SCARA3: variants seen among roughly 807,000 people sequenced by gnomAD.
The protein encoded by SCARA3 is scavenger receptor class A member 3.
Under a neutral mutation model 47.0 loss-of-function variants are expected in SCARA3, and 39 were observed. The observed-to-expected ratio is 0.83, with a 90% confidence interval of 0.64 to 1.08. The LOEUF (loss-of-function observed/expected upper bound fraction) is 1.08. Ranked by LOEUF, SCARA3 falls within the 50% of genes least tolerant of loss-of-function variation. The pLI, the probability that SCARA3 is intolerant of heterozygous loss-of-function variation, is 0.00. For missense variants in SCARA3, 724 were observed against 792.3 expected (o/e 0.91, Z 1.04); for synonymous variants, 356 against 334.1 (o/e 1.07, Z -0.71).
chr8:27,674,725 C>CTT (rs71553874), downstream of SCARA3, among the ~76,000 whole-genome samples: 1,158 of 106,206 alleles, frequency 0.011, 17 homozygotes, highest in Non-Finnish European at 0.015. Context: ...TTTTCTCTCT[C>CTT]TTTTTTTTTT....
At chr8:27,709,231 G>A in the SCARA3 span, among the ~76,000 whole-genome samples, 1 of 152,220 alleles carries the variant, frequency 6.6e-6, no homozygotes, top group Non-Finnish European at 1.5e-5. Flanking sequence ...CTTGTTGGGT[G>A]CAGGTTTCTA....
At chr8:27,693,124 CAAAAAAA>C in the SCARA3 span, among the ~76,000 whole-genome samples, 1 of 99,096 alleles carries the variant, frequency 1.0e-5, no homozygotes, top group African/African-American at 4.1e-5. Context: ...GACTCTGTCT[CAAAAAAA>C]AAAAAAAAAA....
chr8:27,651,390 C>T (rs1179561773), intron 2 of SCARA3, 118 bp from the exon 3 acceptor site: 8 of 1,257,322 alleles, frequency 6.4e-6, no homozygotes, highest in Non-Finnish European at 8.7e-6. Flanking sequence ...AGAACAGCTC[C>T]CCTTCTGAGC....
chr8:27,692,694 T>C, the SCARA3 span, among the ~76,000 whole-genome samples: 1 of 152,082 alleles, frequency 6.6e-6, no homozygotes, highest in African/African-American at 2.4e-5. Context: ...TACAATCTAT[T>C]CTCTCTGAAG....
At position 27,658,922 on chromosome 8, in the gene SCARA3, T is replaced by C. The variant is rs1801823517; in HGVS notation, c.752T>C (p.Ile251Thr). Residue 251 changes from isoleucine (I) to threonine (T), a missense_variant, in exon 5 of 6, where the codon ATT (isoleucine) becomes ACT (threonine). By Grantham distance (89) the Ile-to-Thr change is moderately conservative. Transcript: ENST00000301904. The part of the protein sequence containing the change: ...TDEETLTLQK[I>T]VTDWQNYTRL... ...GAGGAGACCCTGACCCTCCAGAAGA[T>C]TGTCACCGACTGGCAGAACTACACA... The C allele has an allele frequency of 1.2e-6, 2 of 1,613,936 alleles. No individual in the cohort carries two copies. Among genetic ancestry groups the C allele is most frequent in the Non-Finnish European group, 1.7e-6 (2 of 1,179,964 alleles).
the SCARA3 span, chr8:27,703,844 C>CTTTTTTTTTTTTTTTTTTTTTTTT: frequency 3.7e-5 from 2 of 54,524 alleles, no homozygotes; most frequent in African/African-American, 1.3e-4. Context: ...GTGCTTTCTA[C>CTTTTTTTTTTTTTTTTTTTTTTTT]TTTTTTTTTT....
intron 1 of SCARA3, among the ~76,000 whole-genome samples, chr8:27,646,863 G>A (rs1471065381): frequency 6.6e-6 from 1 of 151,542 alleles, no homozygotes; most frequent in East Asian, 1.9e-4. Flanking sequence ...AGCTGCCCAA[G>A]GAGAGCTGAA....
Position 27,671,768 on chromosome 8 carries a change from G to GCA in SCARA3, c.*426_*427dup, listed in dbSNP as rs552228102. On this transcript the variant is annotated 3_prime_UTR_variant, in exon 6 of 6. Transcript: ENST00000301904. Reference sequence around the variant, plus strand: ...TATATGCACAGGCACACACATGTACGCACACACACATGCACTGCACACATA... The same window carrying GCA: ...TATATGCACAGGCACACACATGTACGCACACACACACATGCACTGCACACATA... The GCA allele has an allele frequency of 1.5e-4, 150 of 999,152 alleles. No individual in the cohort carries two copies. The highest frequency in any genetic ancestry group is 1.7e-4 in the Non-Finnish European group (146 of 839,526). The allele number at this position is 999,152 out of a possible 1,614,324, so 61.9% of individuals were successfully genotyped here.
At chr8:27,717,875 C>T in the SCARA3 span, among the ~76,000 whole-genome samples, 8 of 152,308 alleles carry the variant, frequency 5.3e-5, no homozygotes, top group South Asian at 4.1e-4. Flanking sequence ...TGCCTTAGCA[C>T]GGCGTTAAGT....
the SCARA3 span, among the ~76,000 whole-genome samples, chr8:27,720,686 AT>A: frequency 1.3e-5 from 2 of 151,510 alleles, no homozygotes; most frequent in African/African-American, 2.4e-5. Context: ...CCATCCATTC[AT>A]CCACCCATTC....
intron 4 of SCARA3, among the ~76,000 whole-genome samples, 178 bp from the exon 5 acceptor site, chr8:27,658,318 G>A (rs530243868): frequency 2.0e-5 from 3 of 152,190 alleles, no homozygotes; most frequent in Non-Finnish European, 4.4e-5. Context: ...CGGTAAAAAT[G>A]AGATTCCATA....
chr8:27,667,109 C>T (rs956185416), intron 5 of SCARA3, among the ~76,000 whole-genome samples: 1 of 152,202 alleles, frequency 6.6e-6, no homozygotes, highest in Non-Finnish European at 1.5e-5. Flanking sequence ...GCCCCTCACC[C>T]CTGCCTTGTT....
rs1242690212 is a variant in SCARA3, at chr8:27,671,441, G to A, written c.*90G>A. On this transcript the variant is annotated 3_prime_UTR_variant, in exon 6 of 6. Transcript: ENST00000301904. ...CAGAAAGCCTCACCTACAGACAGCT[G>A]TGGTCCTCTGATTCCAATGAGGGGG... 7.5e-7 allele frequency: 1 copy of A among 1,327,672 alleles called. No homozygotes were observed. Among genetic ancestry groups the A allele is most frequent in the African/African-American group, 1.5e-5 (1 of 65,306 alleles). 82.2% of individuals were successfully genotyped at this position (1,327,672 alleles called of 1,614,324 possible).
the SCARA3 span, among the ~76,000 whole-genome samples, chr8:27,723,261 T>A: frequency 6.6e-6 from 1 of 152,202 alleles, no homozygotes; most frequent in African/African-American, 2.4e-5. Context: ...AGCTGATGCA[T>A]CCACAGCCCT....
chr8:27,730,446 C>A, the SCARA3 span, among the ~76,000 whole-genome samples: 1 of 152,102 alleles, frequency 6.6e-6, no homozygotes. Context: ...CAGGCAGAAT[C>A]CCCAAGCTCA....
At chr8:27,716,322 T>C in the SCARA3 span, among the ~76,000 whole-genome samples, 1 of 151,278 alleles carries the variant, frequency 6.6e-6, no homozygotes, top group South Asian at 2.1e-4. Flanking sequence ...TAAATATCTC[T>C]TTATATATAT....
At chr8:27,678,564 C>G (rs1300047140), downstream of SCARA3, among the ~76,000 whole-genome samples, 1 of 152,126 alleles carries the variant, frequency 6.6e-6, no homozygotes, top group Non-Finnish European at 1.5e-5. Flanking sequence ...CAAAACAACT[C>G]CACACCCAAA....
intron 1 of SCARA3, 43 bp downstream of exon 1, chr8:27,634,250 G>C: frequency 7.5e-7 from 1 of 1,327,842 alleles, no homozygotes; most frequent in Middle Eastern, 2.1e-4. Context: ...GGGGCCGCCT[G>C]CACCCCCGCT....
the SCARA3 span, among the ~76,000 whole-genome samples, chr8:27,712,424 G>T: frequency 3.3e-5 from 5 of 150,820 alleles, no homozygotes; most frequent in South Asian, 1.1e-3. Flanking sequence ...TTAGCCGGGC[G>T]TAGTGGCGGG....
Sources: allele counts gnomAD v4.1 joint callset (sites outside exome capture counted in the v4.1 genomes callset), GRCh38; gene constraint gnomAD v4.1.1; transcripts MANE v1.5; gene names NCBI Gene and HGNC (gene_info 2026-07-23, HGNC 2026-07-21).